Variants in PTPRD observed in about 807,000 individuals in gnomAD.
PTPRD encodes receptor-type tyrosine-protein phosphatase delta.
Under a neutral mutation model 214.5 loss-of-function variants are expected in PTPRD, and 34 were observed. That is an observed-to-expected ratio of 0.16 (90% CI 0.12 to 0.21). PTPRD has a LOEUF of 0.21. PTPRD is among the 10% of genes least tolerant of loss of function. The pLI, the probability that PTPRD is intolerant of heterozygous loss-of-function variation, is 1.00. For synonymous variants in PTPRD, 1,128 were observed against 845.7 expected (o/e 1.33, Z -5.79); for missense variants, 2,545 against 2,398.7 (o/e 1.06, Z -1.27).
chr9:9,291,435 G>T (rs1951099023), intron 9 of PTPRD, among the ~76,000 whole-genome samples: 1 of 151,368 alleles, frequency 6.6e-6, no homozygotes, highest in Admixed American at 6.6e-5. Flanking sequence ...TTTGTTCCTT[G>T]AATAATTACT....
intron 11 of PTPRD, among the ~76,000 whole-genome samples, chr9:8,910,000 C>T (rs185428454): frequency 2.0e-4 from 30 of 151,752 alleles, no homozygotes; most frequent in Non-Finnish European, 3.8e-4. Flanking sequence ...AACAGTTGTC[C>T]TCTCCAAAAC....
chr9:9,232,634 G>A (rs1487177123), intron 9 of PTPRD, among the ~76,000 whole-genome samples: 2 of 151,972 alleles, frequency 1.3e-5, no homozygotes, highest in Non-Finnish European at 2.9e-5. Flanking sequence ...TTTTTTATAA[G>A]TTTGACTGTT....
intron 10 of PTPRD, among the ~76,000 whole-genome samples, chr9:9,072,303 A>ACACACT (rs2099744950): frequency 6.6e-6 from 1 of 151,634 alleles, no homozygotes; most frequent in Non-Finnish European, 1.5e-5. Flanking sequence ...ACACACACAC[A>ACACACT]CACACACACA....
At chr9:10,177,027 C>T (rs555099052) in intron 3 of PTPRD, among the ~76,000 whole-genome samples, 2 of 151,970 alleles carry the variant, frequency 1.3e-5, no homozygotes, top group Admixed American at 6.6e-5. Context: ...ATGTTACAAC[C>T]AGCATGCTAG....
chr9:10,057,559 T>C (rs892046341), intron 3 of PTPRD, among the ~76,000 whole-genome samples: 4 of 151,958 alleles, frequency 2.6e-5, no homozygotes, highest in Admixed American at 1.3e-4. Context: ...ATCAGTAAGA[T>C]TAAAAGGTAA....
At chr9:9,414,146 C>T (rs530594880) in intron 8 of PTPRD, among the ~76,000 whole-genome samples, 2 of 152,214 alleles carry the variant, frequency 1.3e-5, no homozygotes, top group African/African-American at 2.4e-5. Flanking sequence ...TTATCTTTTT[C>T]ACATACATCT....
intron 5 of PTPRD, among the ~76,000 whole-genome samples, chr9:9,796,214 A>G (rs1484619341): frequency 6.6e-6 from 1 of 152,178 alleles, no homozygotes; most frequent in Non-Finnish European, 1.5e-5. Context: ...GAAGAAGAAG[A>G]AAAGGAGGCT....
At chr9:9,221,674 T>C (rs1017265368) in intron 9 of PTPRD, among the ~76,000 whole-genome samples, 1 of 151,926 alleles carries the variant, frequency 6.6e-6, no homozygotes, top group Admixed American at 6.6e-5. Context: ...AACTGAACTA[T>C]CTCCTCAAAG....
At chr9:9,743,574 A>C (rs2154457572) in intron 6 of PTPRD, among the ~76,000 whole-genome samples, 1 of 152,094 alleles carries the variant, frequency 6.6e-6, no homozygotes, top group Admixed American at 6.6e-5. Flanking sequence ...ATAAATCATG[A>C]CCTAGTTCTT....
At chr9:10,512,025 T>C (rs1421074187) in intron 2 of PTPRD, among the ~76,000 whole-genome samples, 13 of 57,052 alleles carry the variant, frequency 2.3e-4, no homozygotes, top group African/African-American at 1.2e-3. Flanking sequence ...TGTGTATATA[T>C]ATATGTATAT....
At chr9:9,671,545 C>A (rs1042041033) in intron 7 of PTPRD, among the ~76,000 whole-genome samples, 3 of 151,988 alleles carry the variant, frequency 2.0e-5, no homozygotes, top group Non-Finnish European at 4.4e-5. Context: ...TTGGCTGTGT[C>A]CCCCACAAAA....
At chr9:9,757,124 G>A (rs1004643120) in intron 6 of PTPRD, among the ~76,000 whole-genome samples, 2 of 152,036 alleles carry the variant, frequency 1.3e-5, no homozygotes, top group East Asian at 1.9e-4. Flanking sequence ...AACAAAGATT[G>A]GGCAGTTTAC....
At chr9:8,648,922 A>G (rs2096750166) in intron 12 of PTPRD, among the ~76,000 whole-genome samples, 1 of 152,218 alleles carries the variant, frequency 6.6e-6, no homozygotes, top group Non-Finnish European at 1.5e-5. Flanking sequence ...AATTTATCAC[A>G]TTAGATGTGC....
intron 14 of PTPRD, among the ~76,000 whole-genome samples, chr9:8,566,707 A>T (rs1006085188): frequency 3.3e-5 from 5 of 152,218 alleles, no homozygotes; most frequent in African/African-American, 9.6e-5. Flanking sequence ...TATTTGCCAA[A>T]TAAGAATGGA....
At chr9:10,437,140 T>C (rs1396301129) in intron 2 of PTPRD, among the ~76,000 whole-genome samples, 3 of 151,808 alleles carry the variant, frequency 2.0e-5, no homozygotes, top group African/African-American at 7.2e-5. Flanking sequence ...CCCTATATAC[T>C]TGCTTTCTGT....
intron 8 of PTPRD, among the ~76,000 whole-genome samples, chr9:9,537,628 C>T (rs956382180): frequency 1.3e-5 from 2 of 151,896 alleles, no homozygotes; most frequent in Admixed American, 1.3e-4. Context: ...CAATAGAATT[C>T]CCAGTGAATT....
intron 6 of PTPRD, among the ~76,000 whole-genome samples, chr9:9,745,218 C>T (rs932633713): frequency 6.6e-6 from 1 of 152,014 alleles, no homozygotes; most frequent in East Asian, 1.9e-4. Flanking sequence ...ATTTTTATAA[C>T]ATGAAATAGA....
intron 8 of PTPRD, among the ~76,000 whole-genome samples, chr9:9,474,890 T>G (rs1191457647): frequency 3.3e-5 from 5 of 152,112 alleles, no homozygotes; most frequent in African/African-American, 1.2e-4. Context: ...GAGAGGCAAT[T>G]GGATTCCTTT....
At chr9:8,547,875 T>C (rs990389103) in intron 14 of PTPRD, among the ~76,000 whole-genome samples, 4 of 152,338 alleles carry the variant, frequency 2.6e-5, no homozygotes, top group Admixed American at 6.5e-5. Context: ...AATAGCAGTG[T>C]ATTATTTGTT....
Sources: gnomAD v4.1 joint callset for allele counts (sites outside exome capture counted in the v4.1 genomes callset) on GRCh38, gnomAD v4.1.1 for gene constraint, MANE v1.5 for transcripts, NCBI Gene and HGNC (gene_info 2026-07-23, HGNC 2026-07-21) for gene names.